The following TRPM4 variants were observed in gnomAD, a reference collection of about 807,000 sequenced individuals.
The protein encoded by TRPM4 is calcium-activated non-selective cation channel 1.
A neutral mutation model predicts 135.6 loss-of-function variants in TRPM4; 124 were observed. The ratio of observed to expected loss-of-function variants is 0.91; its 90% CI spans 0.79 to 1.06. The LOEUF is 1.06. TRPM4 is among the 50% of genes least tolerant of loss of function. TRPM4 has a pLI of 0.00. For missense variants in TRPM4, 1,658 were observed against 1,671.4 expected (o/e 0.99, Z 0.14); for synonymous variants, 745 against 705.6 (o/e 1.06, Z -0.88).
chr19:49,169,549 G>A (rs1211480733), intron 6 of TRPM4, among the ~76,000 whole-genome samples: 1 of 151,156 alleles, frequency 6.6e-6, no homozygotes, highest in East Asian at 1.9e-4. Context: ...CCGAAGTGCT[G>A]GGATTACAGG....
At chr19:49,186,139 T>A (rs2122966048) in intron 12 of TRPM4, among the ~76,000 whole-genome samples, 1 of 152,298 alleles carries the variant, frequency 6.6e-6, no homozygotes, top group Non-Finnish European at 1.5e-5. Flanking sequence ...AGCTTAGTGG[T>A]CTGCTGGTGA....
chr19:49,174,053 C>G (rs1442563201), intron 9 of TRPM4, among the ~76,000 whole-genome samples: 1 of 152,140 alleles, frequency 6.6e-6, no homozygotes. Context: ...CCAGATCCCA[C>G]TAGGATTGTT....
At chr19:49,182,991 A>G in intron 11 of TRPM4, 69 bp downstream of exon 11, 1 of 1,597,226 alleles carries the variant, frequency 6.3e-7, no homozygotes, top group Non-Finnish European at 8.5e-7. Flanking sequence ...TACATCAGGG[A>G]TGGGGCGTGG....
chr19:49,178,524 A>G (rs79932706), intron 9 of TRPM4, among the ~76,000 whole-genome samples: 2,521 of 151,620 alleles, frequency 0.017, 31 homozygotes, highest in South Asian at 0.043. Flanking sequence ...AGATGGGAGG[A>G]GCAGGAAGGG....
At chr19:49,182,507 T>TCCATCCATC (rs1968018268) in intron 10 of TRPM4, 71 bp from the exon 11 acceptor site, 1 of 1,271,992 alleles carries the variant, frequency 7.9e-7, no homozygotes, top group Admixed American at 1.8e-5. Flanking sequence ...CATCCGTCCC[T>TCCATCCATC]CATACCCTTG....
At chr19:49,186,001 T>C (rs898011752) in intron 12 of TRPM4, among the ~76,000 whole-genome samples, 1 of 151,720 alleles carries the variant, frequency 6.6e-6, no homozygotes, top group African/African-American at 2.4e-5. Context: ...TCCACCCACC[T>C]TGGCCTCCCA....
At chr19:49,170,314 G>A (rs1367897446) in intron 6 of TRPM4, among the ~76,000 whole-genome samples, 1 of 151,928 alleles carries the variant, frequency 6.6e-6, no homozygotes, top group Non-Finnish European at 1.5e-5. Flanking sequence ...TCAGCCTCCC[G>A]AGTAGCTGGG....
chr19:49,163,822 GC>G (rs1185387862), intron 2 of TRPM4, among the ~76,000 whole-genome samples: 3 of 152,346 alleles, frequency 2.0e-5, no homozygotes, highest in African/African-American at 7.2e-5. Flanking sequence ...CTGGGAAGTA[GC>G]TGCAGGTGTT....
chr19:49,202,500 C>G (rs1968972816), intron 20 of TRPM4, among the ~76,000 whole-genome samples: 1 of 151,976 alleles, frequency 6.6e-6, no homozygotes, highest in African/African-American at 2.4e-5. Flanking sequence ...ATTAGCCAGG[C>G]CAGCAGGCCT....
chr19:49,196,361 C>A, intron 16 of TRPM4, 79 bp from the exon 17 acceptor site: 1 of 1,365,900 alleles, frequency 7.3e-7, no homozygotes, highest in Non-Finnish European at 9.7e-7. Context: ...TGTGCCAAGC[C>A]AAAAGTCTCG....
intron 10 of TRPM4, 69 bp downstream of exon 10, chr19:49,181,530 CTTTTTTTTTTTT>C: frequency 7.7e-6 from 4 of 518,072 alleles, no homozygotes; most frequent in East Asian, 3.7e-5. Context: ...TCTCTGCCTT[CTTTTTTTTTTTT>C]TTTTTTTTTG....
Position 49,157,803 on chromosome 19 carries a change from AGCAGAGCCGGC to A in TRPM4, c.-62_-52del. 1 of 1,532,528 alleles carries A rather than the reference AGCAGAGCCGGC, an allele frequency of 6.5e-7. No individual in the cohort carries two copies. The highest frequency in any genetic ancestry group is 8.7e-7 in the Non-Finnish European group (1 of 1,145,196). 94.9% of individuals were successfully genotyped at this position (1,532,528 alleles called of 1,614,324 possible). ...CCGGTTTGCTCTGGGCGGGTCTGGAAGCAGAGCCGGCGGAGGGAGCGCCGGGGCCCTGGGCT... is the reference window on the plus strand; with the variant it reads ...CCGGTTTGCTCTGGGCGGGTCTGGAAGGAGGGAGCGCCGGGGCCCTGGGCT... On this transcript the variant is annotated 5_prime_UTR_variant, in exon 1 of 25. Transcript: ENST00000252826.
At chr19:49,189,878 C>T (rs1024839665) in intron 14 of TRPM4, among the ~76,000 whole-genome samples, 1 of 152,066 alleles carries the variant, frequency 6.6e-6, no homozygotes, top group Non-Finnish European at 1.5e-5. Context: ...TTCTTTGGGC[C>T]GTTTCCTTAA....
At chr19:49,207,134 A>AT (rs1177627651) in intron 20 of TRPM4, among the ~76,000 whole-genome samples, 4 of 151,572 alleles carry the variant, frequency 2.6e-5, no homozygotes, top group Admixed American at 1.3e-4. Context: ...GATGCCTTTT[A>AT]TTTTTTTTCT....
chr19:49,190,626 G>A (rs2122997239), intron 15 of TRPM4, 70 bp from the exon 16 acceptor site: 5 of 1,516,736 alleles, frequency 3.3e-6, no homozygotes, highest in Non-Finnish European at 4.6e-6. Context: ...AGAAGTTTGA[G>A]TTTTGCTGGA....
intron 16 of TRPM4, among the ~76,000 whole-genome samples, chr19:49,191,255 G>A (rs1968401674): frequency 6.6e-6 from 1 of 152,056 alleles, no homozygotes; most frequent in Non-Finnish European, 1.5e-5. Flanking sequence ...GCCCAGGCTG[G>A]AGTGCAGTGG....
At chr19:49,195,457 G>A (rs1207810502) in intron 16 of TRPM4, among the ~76,000 whole-genome samples, 1 of 152,054 alleles carries the variant, frequency 6.6e-6, no homozygotes, top group African/African-American at 2.4e-5. Context: ...CACAACCTCC[G>A]CCTCCCGGGT....
chr19:49,175,023 C>T (rs1967622649), intron 9 of TRPM4, among the ~76,000 whole-genome samples: 1 of 149,730 alleles, frequency 6.7e-6, no homozygotes, highest in East Asian at 1.9e-4. Flanking sequence ...CTCACCTCAG[C>T]CCCACAAGTA....
rs759518981 is a variant in TRPM4 at position 49,200,421 on chromosome 19, G to C, written c.2767G>C (p.Val923Leu). 6 of 1,610,254 alleles carry C rather than the reference G, an allele frequency of 3.7e-6. No homozygotes were observed. The African/African-American group carries it at 4.0e-5, about 11-fold the overall frequency. ...NKQLGPKIVI[V>L]SKMMKDVFFF... ...ACAGCTGGGGCCCAAGATCGTCATCGTGAGCAAGATGGTGAGGCAGGGGCG... is the reference window on the plus strand; with the variant it reads ...ACAGCTGGGGCCCAAGATCGTCATCCTGAGCAAGATGGTGAGGCAGGGGCG... The change falls in exon 18 of 25, where the codon GTG (valine) becomes CTG (leucine). Residue 923 changes from valine (V) to leucine (L), a missense_variant. This residue lies in a region of TRPM4 where 1,412 missense variants were observed against 1,408.7 expected (regional missense o/e 1.00). Transcript: ENST00000252826.
Sources: allele counts gnomAD v4.1 joint callset (sites outside exome capture counted in the v4.1 genomes callset), GRCh38; gene constraint gnomAD v4.1.1; regional missense constraint gnomAD v4.1.1; transcripts MANE v1.5; gene names NCBI Gene and HGNC (gene_info 2026-07-23, HGNC 2026-07-21).